The following FGGY variants were observed in gnomAD, a reference collection of about 807,000 sequenced individuals.
FGGY encodes the protein FGGY carbohydrate kinase domain-containing protein.
Under a neutral mutation model 71.3 loss-of-function variants are expected in FGGY, and 72 were observed. That is an observed-to-expected ratio of 1.01 (90% confidence interval 0.84 to 1.23). FGGY has a LOEUF of 1.23. Among genes scored for constraint, FGGY ranks in the 50% most tolerant of loss-of-function variants. The pLI, the probability that FGGY is intolerant of heterozygous loss-of-function variation, is 0.00. For missense variants in FGGY, 668 were observed against 682.3 expected (o/e 0.98, Z 0.23); for synonymous variants, 251 against 250.3 (o/e 1.00, Z -0.02).
At chr1:59,619,549 G>T (rs1416915636) in intron 9 of FGGY, among the ~76,000 whole-genome samples, 1 of 152,008 alleles carries the variant, frequency 6.6e-6, no homozygotes, top group African/African-American at 2.4e-5. Flanking sequence ...GGAACAACCA[G>T]TGTAAAGATT....
At position 59,730,921 on chromosome 1, in the gene FGGY, G is replaced by A. The variant is rs761486363; in HGVS notation, c.1513-27010G>A. On this transcript the variant is annotated intron_variant, in intron 14 of 15. Coordinates refer to ENST00000303721, the MANE Select transcript of FGGY (RefSeq NM_018291.5). ...GATTTACTTAACCCACCTCATGAAC[G>A]TTTAGTAGCCCACGCAAGGCAGGCC... Among the ~76,000 whole-genome samples the A allele has an allele frequency of 2.1e-3, 320 of 152,178 alleles. 2 individuals carry two copies. Among genetic ancestry groups the A allele is most frequent in the Non-Finnish European group, 3.2e-3 (217 of 68,042 alleles).
At chr1:59,405,388 A>G (rs939027871) in intron 5 of FGGY, among the ~76,000 whole-genome samples, 2 of 152,256 alleles carry the variant, frequency 1.3e-5, no homozygotes, top group South Asian at 2.1e-4. Flanking sequence ...TCCTGGTTGG[A>G]AGTTGAAGAA....
chr1:59,541,636 A>G (rs2095441286), intron 7 of FGGY, among the ~76,000 whole-genome samples: 2 of 152,214 alleles, frequency 1.3e-5, no homozygotes, highest in Non-Finnish European at 2.9e-5. Flanking sequence ...TCATTTTAAA[A>G]TTATTTCCTT....
chr1:59,707,023 G>A (rs1279906550), intron 14 of FGGY, among the ~76,000 whole-genome samples: 1 of 152,180 alleles, frequency 6.6e-6, no homozygotes, highest in Non-Finnish European at 1.5e-5. Flanking sequence ...CAACTCTGGG[G>A]ATATAGCACA....
At chr1:59,611,173 C>T (rs2096673492) in intron 9 of FGGY, among the ~76,000 whole-genome samples, 1 of 152,290 alleles carries the variant, frequency 6.6e-6, no homozygotes, top group Admixed American at 6.5e-5. Context: ...AGTGGTTCTC[C>T]CAGCACAGGG....
At chr1:59,678,942 C>G (rs1176763833) in intron 14 of FGGY, among the ~76,000 whole-genome samples, 14 of 152,166 alleles carry the variant, frequency 9.2e-5, no homozygotes, top group Admixed American at 9.2e-4. Context: ...GTGAGTGTTG[C>G]CACCCCTGTA....
chr1:59,517,352 G>A (rs1032640959), intron 7 of FGGY, among the ~76,000 whole-genome samples: 14 of 131,634 alleles, frequency 1.1e-4, no homozygotes, highest in African/African-American at 1.4e-4. Flanking sequence ...TGCAAGCTCC[G>A]CCTCCCGGGT....
At chr1:59,546,492 GGATGATGAT>G (rs371455666) in intron 7 of FGGY, among the ~76,000 whole-genome samples, 54 of 115,400 alleles carry the variant, frequency 4.7e-4, no homozygotes, top group Middle Eastern at 3.7e-3. Context: ...TTAAAGCATA[GGATGATGAT>G]GATGATGATG....
intron 4 of FGGY, among the ~76,000 whole-genome samples, chr1:59,360,127 G>GTTGTTGTTA (rs60160244): frequency 6.9e-6 from 1 of 145,668 alleles, no homozygotes; most frequent in African/African-American, 2.6e-5. Flanking sequence ...TTCTATCATT[G>GTTGTTGTTA]TTATTATTAT....
chr1:59,346,184 G>C (rs1173541143), intron 3 of FGGY, 63 bp from the exon 4 acceptor site: 3 of 1,585,544 alleles, frequency 1.9e-6, no homozygotes, highest in Non-Finnish European at 2.6e-6. Flanking sequence ...ATCCATAATT[G>C]TTCCCTTGAA....
intron 5 of FGGY, among the ~76,000 whole-genome samples, chr1:59,391,063 A>C (rs943585709): frequency 3.9e-5 from 6 of 152,222 alleles, no homozygotes; most frequent in Non-Finnish European, 8.8e-5. Context: ...GATAAATCCG[A>C]ACTCAGTTAA....
At chr1:59,399,729 A>C (rs999269451) in intron 5 of FGGY, among the ~76,000 whole-genome samples, 8 of 152,250 alleles carry the variant, frequency 5.3e-5, no homozygotes, top group African/African-American at 1.7e-4. Flanking sequence ...TGCCATGCAT[A>C]TATCTTTAGA....
chr1:59,453,264 C>T (rs149387266), intron 5 of FGGY, among the ~76,000 whole-genome samples: 12 of 152,264 alleles, frequency 7.9e-5, no homozygotes, highest in African/African-American at 2.9e-4. Context: ...CATCTGTAGC[C>T]ATAAAACTTC....
intron 8 of FGGY, among the ~76,000 whole-genome samples, chr1:59,557,052 G>T (rs1319788359): frequency 3.3e-5 from 5 of 152,254 alleles, no homozygotes; most frequent in Admixed American, 2.6e-4. Context: ...GGTCATGCTG[G>T]CATGGGAAAG....
At chr1:59,735,526 C>A (rs2098093448) in intron 14 of FGGY, among the ~76,000 whole-genome samples, 2 of 152,218 alleles carry the variant, frequency 1.3e-5, no homozygotes. Context: ...ACAGAGGTAA[C>A]CAACATTTGT....
intron 6 of FGGY, among the ~76,000 whole-genome samples, chr1:59,508,246 A>C (rs114792842): frequency 1.1e-4 from 17 of 152,278 alleles, no homozygotes; most frequent in African/African-American, 4.1e-4. Context: ...TGGCCCTAAG[A>C]GTCTTAGTTT....
chr1:59,336,318 T>C (rs1371412928), intron 2 of FGGY, among the ~76,000 whole-genome samples: 1 of 152,174 alleles, frequency 6.6e-6, no homozygotes, highest in Non-Finnish European at 1.5e-5. Flanking sequence ...CTCTGTTCTA[T>C]TGATTTATAA....
At chr1:59,334,717 T>C (rs2049134619) in intron 2 of FGGY, among the ~76,000 whole-genome samples, 1 of 152,148 alleles carries the variant, frequency 6.6e-6, no homozygotes, top group Non-Finnish European at 1.5e-5. Flanking sequence ...AATAATTATA[T>C]ATTTTAAGGT....
intron 6 of FGGY, among the ~76,000 whole-genome samples, chr1:59,493,153 G>A (rs1387822269): frequency 7.0e-6 from 1 of 142,064 alleles, no homozygotes; most frequent in Non-Finnish European, 1.6e-5. Flanking sequence ...AAGTGTTGGT[G>A]AAGATGTGGA....
Sources: allele counts gnomAD v4.1 joint callset (sites outside exome capture counted in the v4.1 genomes callset), GRCh38; gene constraint gnomAD v4.1.1; transcripts MANE v1.5; gene names NCBI Gene and HGNC (gene_info 2026-07-23, HGNC 2026-07-21).